ATP8B4: variants seen among roughly 807,000 people sequenced by gnomAD.
The protein encoded by ATP8B4 is ATPase phospholipid transporting 8B4 (putative).
A neutral mutation model predicts 145.6 loss-of-function variants in ATP8B4; 133 were observed. The observed-to-expected ratio is 0.91, with a 90% CI of 0.79 to 1.05. The LOEUF (loss-of-function observed/expected upper bound fraction) is 1.05, where lower values mean the gene tolerates loss of function less well. Among genes scored for constraint, ATP8B4 ranks in the 50% least tolerant of loss-of-function variants. The probability of loss-of-function intolerance (pLI) is 0.00; values close to 1 mark genes in which losing one functional copy is unlikely to be tolerated. For missense variants in ATP8B4, 1,458 were observed against 1,425.2 expected, an observed-to-expected ratio of 1.02 and a Z score of -0.37; for synonymous variants, 507 against 492.9, an observed-to-expected ratio of 1.03 and a Z score of -0.38.
chr15:49,926,831 A>G (rs2040766333), intron 16 of ATP8B4, among the ~76,000 whole-genome samples: 1 of 152,206 alleles, frequency 6.6e-6, no homozygotes, highest in Non-Finnish European at 1.5e-5. Context: ...CAACAGCAGC[A>G]CTGTGAAGGG....
chr15:50,033,525 T>C lies in ATP8B4; in HGVS notation c.362+5243A>G, dbSNP rs2050605505. Among the ~76,000 whole-genome samples the C allele has an allele frequency of 2.6e-5, 4 of 152,216 alleles. No homozygotes were observed. The South Asian group carries it at 8.3e-4, about 31-fold the overall frequency. ...CCTCAGCTTTTTAAAATATTTATTATGTGAAAAACTATGCTTACCATCTTA... is the reference window on the plus strand; with the variant it reads ...CCTCAGCTTTTTAAAATATTTATTACGTGAAAAACTATGCTTACCATCTTA... On this transcript the variant is annotated intron_variant, in intron 6 of 27. Coordinates refer to ENST00000284509, the MANE Select transcript of ATP8B4 (RefSeq NM_024837.4).
chr15:50,111,822 G>A (rs966568886), intron 1 of ATP8B4, among the ~76,000 whole-genome samples: 1 of 152,126 alleles, frequency 6.6e-6, no homozygotes, highest in Non-Finnish European at 1.5e-5. Context: ...TAAACATTAG[G>A]AACAAATGAG....
chr15:50,090,996 TATC>T (rs2055574905), intron 2 of ATP8B4, among the ~76,000 whole-genome samples: 2 of 152,122 alleles, frequency 1.3e-5, no homozygotes, highest in African/African-American at 4.8e-5. Context: ...TTATAGAAAA[TATC>T]ATATTTGGTT....
intron 20 of ATP8B4, among the ~76,000 whole-genome samples, chr15:49,916,260 A>C (rs1211973282): frequency 1.3e-5 from 2 of 152,288 alleles, no homozygotes; most frequent in Non-Finnish European, 2.9e-5. Context: ...AAGAAATATT[A>C]TCTCTCAAAC....
At chr15:49,930,467 G>A (rs2041149590) in intron 16 of ATP8B4, among the ~76,000 whole-genome samples, 1 of 152,088 alleles carries the variant, frequency 6.6e-6, no homozygotes, top group Non-Finnish European at 1.5e-5. Context: ...AGTTAGCATT[G>A]AGTCAGGAAA....
At chr15:50,085,983 AT>A (rs2054979157) in intron 2 of ATP8B4, among the ~76,000 whole-genome samples, 3 of 107,226 alleles carry the variant, frequency 2.8e-5, no homozygotes, top group Admixed American at 1.2e-4. Flanking sequence ...TATATCAAAT[AT>A]ATCATATATA....
intron 7 of ATP8B4, among the ~76,000 whole-genome samples, chr15:50,005,151 C>G (rs1416467065): frequency 4.6e-5 from 7 of 152,178 alleles, no homozygotes; most frequent in African/African-American, 1.2e-4. Context: ...TTTCTCCTTG[C>G]TCTGCCAGGA....
At chr15:49,942,689 G>T (rs1035761531) in intron 14 of ATP8B4, among the ~76,000 whole-genome samples, 1 of 152,028 alleles carries the variant, frequency 6.6e-6, no homozygotes, top group Non-Finnish European at 1.5e-5. Context: ...GCTGGACGAG[G>T]TGGCAGGTGC....
At chr15:50,001,324 G>A (rs1190257679) in intron 8 of ATP8B4, among the ~76,000 whole-genome samples, 1 of 151,268 alleles carries the variant, frequency 6.6e-6, no homozygotes, top group Non-Finnish European at 1.5e-5. Flanking sequence ...AACTGTTTTA[G>A]TTGTGTCTGA....
At chr15:50,092,081 T>C (rs957046926) in intron 2 of ATP8B4, among the ~76,000 whole-genome samples, 1 of 152,156 alleles carries the variant, frequency 6.6e-6, no homozygotes, top group African/African-American at 2.4e-5. Context: ...AAGACAATAA[T>C]TAGAGTTCAG....
At chr15:50,156,282 T>C (rs552116741) in intron 1 of ATP8B4, among the ~76,000 whole-genome samples, 1 of 151,520 alleles carries the variant, frequency 6.6e-6, no homozygotes, top group Non-Finnish European at 1.5e-5. Context: ...ACAGAGATAC[T>C]TGATATAATT....
chr15:50,150,481 T>C (rs2044334012), intron 1 of ATP8B4, among the ~76,000 whole-genome samples: 1 of 152,230 alleles, frequency 6.6e-6, no homozygotes, highest in Admixed American at 6.5e-5. Context: ...TGGATTTTGA[T>C]GTCCCTCAGT....
intron 20 of ATP8B4, chr15:49,901,833 A>G (rs1428085479): frequency 2.3e-6 from 1 of 431,180 alleles, no homozygotes; most frequent in Non-Finnish European, 4.6e-6. Flanking sequence ...TTAAGCAAAA[A>G]TTGTATTCAG....
intron 1 of ATP8B4, among the ~76,000 whole-genome samples, chr15:50,146,302 C>T (rs1399368538): frequency 2.0e-5 from 3 of 152,130 alleles, no homozygotes; most frequent in Admixed American, 6.5e-5. Context: ...TGAGCCACCA[C>T]GCCCGGCCTA....
intron 14 of ATP8B4, among the ~76,000 whole-genome samples, chr15:49,937,177 T>C (rs1455443345): frequency 6.6e-6 from 1 of 152,230 alleles, no homozygotes; most frequent in Non-Finnish European, 1.5e-5. Flanking sequence ...GACTTGTTAC[T>C]GCTCAGGCAT....
In ATP8B4 at chr15:50,082,169, A is replaced by G. The variant is rs567291392; in HGVS notation, c.29-7984T>C. 7.7e-4 allele frequency among the ~76,000 whole-genome samples: 117 copies of G among 152,326 alleles called. 1 individual carries two copies. The highest frequency in any genetic ancestry group is 2.7e-3 in the African/African-American group (113 of 41,582). On this transcript the variant is annotated intron_variant, in intron 2 of 27. Transcript: ENST00000284509. ...GTTGGAAGCCAAAGCAATTCATTAA[A>G]GACATGAGGAAAGAACAATGAGTGG... is the stretch of plus-strand genomic sequence containing the variant.
Position 49,876,578 on chromosome 15 carries a change from T to C in ATP8B4, c.2782-55A>G. ...AGGATTAAAAAGAGTCAGAGAGGCC[T>C]TGTATTCCCTATCTTCAGAAATAGC... On this transcript the variant is annotated intron_variant, in intron 24 of 27. Coordinates refer to ENST00000284509, the MANE Select transcript of ATP8B4 (RefSeq NM_024837.4). 4 of 1,602,502 alleles carry C rather than the reference T, an allele frequency of 2.5e-6. No homozygotes were observed. The South Asian group carries it at 4.4e-5, about 18-fold the overall frequency.
intron 6 of ATP8B4, among the ~76,000 whole-genome samples, chr15:50,020,589 T>G (rs2049473711): frequency 6.6e-6 from 1 of 152,130 alleles, no homozygotes; most frequent in South Asian, 2.1e-4. Flanking sequence ...TAAGCTTCAG[T>G]AATGCATTCC....
At chr15:50,088,768 C>T (rs2055391625) in intron 2 of ATP8B4, among the ~76,000 whole-genome samples, 1 of 152,148 alleles carries the variant, frequency 6.6e-6, no homozygotes, top group Admixed American at 6.5e-5. Flanking sequence ...TACCTGCAAC[C>T]TTTGGAACAG....
Sources: gnomAD v4.1 joint callset for allele counts (sites outside exome capture counted in the v4.1 genomes callset) on GRCh38, gnomAD v4.1.1 for gene constraint, MANE v1.5 for transcripts, NCBI Gene and HGNC (gene_info 2026-07-23, HGNC 2026-07-21) for gene names.